Variants in CTNNA3 observed in about 807,000 individuals in gnomAD.
The protein encoded by CTNNA3 is catenin alpha-3.
Under a neutral mutation model 95.7 loss-of-function variants are expected in CTNNA3, and 76 were observed. The ratio of observed to expected loss-of-function variants is 0.79; its 90% CI spans 0.66 to 0.96. The LOEUF (loss-of-function observed/expected upper bound fraction) is 0.96, where lower values mean the gene tolerates loss of function less well. CTNNA3 is among the 40% of genes least tolerant of loss of function. The pLI is 0.00. For missense variants in CTNNA3, 1,191 were observed against 1,089.8 expected, an observed-to-expected ratio of 1.09 and a Z score of -1.31; for synonymous variants, 431 against 374.4, an observed-to-expected ratio of 1.15 and a Z score of -1.74.
At chr10:66,684,800 A>C (rs932961586) in intron 9 of CTNNA3, among the ~76,000 whole-genome samples, 1 of 152,156 alleles carries the variant, frequency 6.6e-6, no homozygotes, top group Non-Finnish European at 1.5e-5. Context: ...TACATATGCT[A>C]TTGATGCTGA....
At chr10:67,471,591 C>T (rs149298232) in intron 5 of CTNNA3, among the ~76,000 whole-genome samples, 1,737 of 152,254 alleles carry the variant, frequency 0.011, 36 homozygotes, top group African/African-American at 0.039. Context: ...AAAAAAAGAA[C>T]TGGATTCCCC....
chr10:66,649,345 A>C (rs530375792), intron 9 of CTNNA3, among the ~76,000 whole-genome samples: 2 of 152,206 alleles, frequency 1.3e-5, no homozygotes, highest in Non-Finnish European at 2.9e-5. Context: ...ACAAAAGTTC[A>C]CAAGAGCTAA....
rs1220540515 is a variant in CTNNA3 at position 66,642,520 on chromosome 10, C to T, written c.1282-20736G>A. Among the ~76,000 whole-genome samples the T allele has an allele frequency of 2.0e-5, 3 of 152,106 alleles. No homozygotes were observed. In the East Asian group the frequency reaches 5.8e-4, roughly 29 times the overall value. On this transcript the variant is annotated intron_variant, in intron 9 of 17. Transcript: ENST00000433211. ...TTCAATTTGATACAATGTGTTTAAC[C>T]TATCACTGTTATTCAGTGTACTATA...
At chr10:67,405,321 A>C (rs973970815) in intron 5 of CTNNA3, among the ~76,000 whole-genome samples, 4 of 152,208 alleles carry the variant, frequency 2.6e-5, no homozygotes, top group Admixed American at 2.6e-4. Context: ...AAAAACATAC[A>C]CAGGCTAAAA....
In CTNNA3 at chr10:67,131,158, C is replaced by T. The variant is rs185649937; in HGVS notation, c.1047+49159G>A. On this transcript the variant is annotated intron_variant, in intron 7 of 17. Transcript: ENST00000433211. ...TACACTATGCTCTCCCATGTCTCCTCGTTATGCTCTTTCCTTTGCCTAGAA... is the reference window on the plus strand; with the variant it reads ...TACACTATGCTCTCCCATGTCTCCTTGTTATGCTCTTTCCTTTGCCTAGAA... Among the ~76,000 whole-genome samples the T allele has an allele frequency of 1.2e-4, 19 of 152,196 alleles. 1 individual carries two copies. In the East Asian group the frequency reaches 3.5e-3, roughly 28 times the overall value.
intron 7 of CTNNA3, among the ~76,000 whole-genome samples, chr10:66,990,544 A>C (rs922247051): frequency 2.6e-5 from 4 of 152,200 alleles, no homozygotes; most frequent in Admixed American, 6.6e-5. Context: ...ACTAGAAATC[A>C]TCTAGTTCTA....
rs140842100 is a variant in CTNNA3 at position 67,417,267 on chromosome 10, T to C, written c.579+104575A>G. 1.9e-3 allele frequency among the ~76,000 whole-genome samples: 285 copies of C among 152,148 alleles called. 2 individuals carry two copies. Among genetic ancestry groups the C allele is most frequent in the African/African-American group, 6.6e-3 (274 of 41,536 alleles). On this transcript the variant is annotated intron_variant, in intron 5 of 17. Coordinates refer to ENST00000433211, the MANE Select transcript of CTNNA3 (RefSeq NM_013266.4). Reference sequence around the variant, plus strand: ...CCTTGTGCACACATGGACATCAGTATGGGAAAAATAGACATTGTGGACTCC... The same window carrying C: ...CCTTGTGCACACATGGACATCAGTACGGGAAAAATAGACATTGTGGACTCC...
At chr10:66,328,836 G>C (rs911630584) in intron 12 of CTNNA3, among the ~76,000 whole-genome samples, 17 of 148,392 alleles carry the variant, frequency 1.1e-4, no homozygotes, top group Non-Finnish European at 1.0e-4. Flanking sequence ...GAAATGTGAT[G>C]AGACATTCCA....
intron 7 of CTNNA3, among the ~76,000 whole-genome samples, chr10:66,895,054 C>CAAAAAAAAAAAAAAAAAAAAA (rs537843933): frequency 8.7e-6 from 1 of 115,588 alleles, no homozygotes; most frequent in African/African-American, 3.4e-5. Context: ...AACAAATAAA[C>CAAAAAAAAAAAAAAAAAAAAA]AAAAAAAAAA....
intron 12 of CTNNA3, among the ~76,000 whole-genome samples, chr10:66,354,543 C>T (rs1195880519): frequency 6.6e-6 from 1 of 152,002 alleles, no homozygotes; most frequent in Non-Finnish European, 1.5e-5. Context: ...GGTGGGTCAT[C>T]TATTTGCAAC....
intron 11 of CTNNA3, among the ~76,000 whole-genome samples, chr10:66,382,190 T>C (rs1301552118): frequency 1.3e-5 from 2 of 152,194 alleles, no homozygotes; most frequent in East Asian, 1.9e-4. Context: ...AGGGAAGCCA[T>C]GACAGACTAC....
intron 9 of CTNNA3, among the ~76,000 whole-genome samples, chr10:66,688,890 C>T (rs189095298): frequency 0.02 from 2,927 of 149,568 alleles, 53 homozygotes; most frequent in Middle Eastern, 0.059. Flanking sequence ...AGGAGAATGG[C>T]GTGAACCTGG....
intron 13 of CTNNA3, among the ~76,000 whole-genome samples, chr10:66,190,506 A>G (rs775283093): frequency 9.2e-5 from 14 of 152,232 alleles, no homozygotes; most frequent in African/African-American, 2.4e-4. Context: ...TAATTAATCT[A>G]TTTAGTAGAT....
At chr10:66,529,103 C>A (rs1054738070) in intron 10 of CTNNA3, among the ~76,000 whole-genome samples, 1 of 151,924 alleles carries the variant, frequency 6.6e-6, no homozygotes, top group Non-Finnish European at 1.5e-5. Flanking sequence ...CACAGCCTGG[C>A]CTATCACAAT....
chr10:67,660,170 C>T (rs1229053782), intron 1 of CTNNA3, among the ~76,000 whole-genome samples: 1 of 152,100 alleles, frequency 6.6e-6, no homozygotes, highest in Non-Finnish European at 1.5e-5. Flanking sequence ...TCTAACCATC[C>T]AAGTTCATTA....
intron 12 of CTNNA3, among the ~76,000 whole-genome samples, chr10:66,342,772 C>T (rs10762063): frequency 0.35 from 53,376 of 151,774 alleles, 11,135 homozygotes; most frequent in Non-Finnish European, 0.46. Context: ...ATCACAGGAT[C>T]CTTTATTTCT....
chr10:67,241,142 C>G (rs1380572010), intron 5 of CTNNA3, among the ~76,000 whole-genome samples: 2 of 152,014 alleles, frequency 1.3e-5, no homozygotes, highest in African/African-American at 4.8e-5. Context: ...AGGTCAGGGC[C>G]AGGGGTGATG....
intron 9 of CTNNA3, among the ~76,000 whole-genome samples, chr10:66,763,353 G>GAGAGAGAC (rs61232204): frequency 1.4e-5 from 2 of 147,778 alleles, no homozygotes; most frequent in African/African-American, 5.0e-5. Flanking sequence ...GAGAGAGAGA[G>GAGAGAGAC]GGAGAGAGAG....
intron 9 of CTNNA3, among the ~76,000 whole-genome samples, chr10:66,690,545 A>C (rs1847485725): frequency 1.3e-5 from 2 of 148,604 alleles, no homozygotes; most frequent in South Asian, 2.1e-4. Flanking sequence ...CTCATCGTTC[A>C]ATTCCCACCT....
Sources: gnomAD v4.1 joint callset for allele counts (sites outside exome capture counted in the v4.1 genomes callset) on GRCh38, gnomAD v4.1.1 for gene constraint, MANE v1.5 for transcripts, NCBI Gene and HGNC (gene_info 2026-07-23, HGNC 2026-07-21) for gene names.